Variants in SOX6 observed in about 807,000 individuals in gnomAD.
The protein encoded by SOX6 is transcription factor SOX-6.
Under a neutral mutation model 97.8 loss-of-function variants are expected in SOX6, and 11 were observed. The observed-to-expected ratio is 0.11, with a 90% CI of 0.07 to 0.19. The LOEUF (loss-of-function observed/expected upper bound fraction) is 0.19, where lower values mean the gene tolerates loss of function less well. Among genes scored for constraint, SOX6 ranks in the 10% least tolerant of loss-of-function variants. The pLI, the probability that SOX6 is intolerant of heterozygous loss-of-function variation, is 1.00. For missense variants in SOX6, 810 were observed against 1,039.5 expected (o/e 0.78, Z 3.04); for synonymous variants, 360 against 371.4 (o/e 0.97, Z 0.35).
intron 1 of SOX6, among the ~76,000 whole-genome samples, chr11:16,454,612 C>A (rs1189429616): frequency 1.3e-5 from 2 of 151,992 alleles, no homozygotes; most frequent in Non-Finnish European, 2.9e-5. Flanking sequence ...TAGACTGTGT[C>A]AAAAGGCGAG....
At chr11:16,550,237 G>T (rs1847667264) in intron 4 of SOX6, among the ~76,000 whole-genome samples, 1 of 152,048 alleles carries the variant, frequency 6.6e-6, no homozygotes, top group African/African-American at 2.4e-5. Flanking sequence ...AACACCCCAT[G>T]TTCTAACTCA....
chr11:16,086,260 T>G (rs1425409753), intron 9 of SOX6, among the ~76,000 whole-genome samples: 1 of 152,218 alleles, frequency 6.6e-6, no homozygotes, highest in Non-Finnish European at 1.5e-5. Context: ...ACTCTATAAT[T>G]AGTCTTGTCT....
intron 1 of SOX6, among the ~76,000 whole-genome samples, chr11:16,458,635 T>C (rs934426963): frequency 1.3e-5 from 2 of 152,182 alleles, no homozygotes; most frequent in South Asian, 2.1e-4. Context: ...GCATACTTTA[T>C]ATATATTATG....
At chr11:16,723,949 C>T (rs1053696439) in intron 2 of SOX6, among the ~76,000 whole-genome samples, 1 of 152,164 alleles carries the variant, frequency 6.6e-6, no homozygotes, top group African/African-American at 2.4e-5. Flanking sequence ...CTGTGACTCT[C>T]TGAAGTCTCA....
intron 4 of SOX6, among the ~76,000 whole-genome samples, chr11:16,527,059 G>T (rs1420775942): frequency 6.6e-6 from 1 of 152,006 alleles, no homozygotes; most frequent in Non-Finnish European, 1.5e-5. Flanking sequence ...CGGCCAAAAA[G>T]GACTTTTCAC....
At chr11:16,572,613 T>C (rs894457439) in intron 4 of SOX6, among the ~76,000 whole-genome samples, 4 of 152,204 alleles carry the variant, frequency 2.6e-5, no homozygotes, top group African/African-American at 9.6e-5. Context: ...ACTTGCCATC[T>C]AAGTTGTACT....
intron 4 of SOX6, among the ~76,000 whole-genome samples, chr11:16,497,774 A>C (rs893193729): frequency 6.6e-6 from 1 of 152,234 alleles, no homozygotes; most frequent in Non-Finnish European, 1.5e-5. Flanking sequence ...AGAAAAAAGA[A>C]TAAAAACAAA....
chr11:16,643,567 T>C (rs1172247271), intron 3 of SOX6, among the ~76,000 whole-genome samples: 1 of 152,182 alleles, frequency 6.6e-6, no homozygotes, highest in Non-Finnish European at 1.5e-5. Flanking sequence ...TCCACCCAGT[T>C]CAAGCTTCCC....
chr11:16,169,412 GA>G (rs1163826611), intron 6 of SOX6, among the ~76,000 whole-genome samples: 3 of 151,976 alleles, frequency 2.0e-5, no homozygotes, highest in Non-Finnish European at 4.4e-5. Context: ...GAAAAGTACA[GA>G]AATTTAAATA....
At chr11:15,975,650 C>A (rs1183528887) in intron 15 of SOX6, among the ~76,000 whole-genome samples, 1 of 152,096 alleles carries the variant, frequency 6.6e-6, no homozygotes, top group African/African-American at 2.4e-5. Context: ...TCATAATAAG[C>A]CTGAGAGGTA....
chr11:16,306,310 A>G (rs974981450), intron 3 of SOX6, among the ~76,000 whole-genome samples: 20 of 152,230 alleles, frequency 1.3e-4, no homozygotes, highest in African/African-American at 4.8e-4. Flanking sequence ...TCAATTTAAA[A>G]AAGAGCAAAC....
intron 4 of SOX6, among the ~76,000 whole-genome samples, chr11:16,519,731 C>T (rs1409018815): frequency 6.6e-6 from 1 of 152,164 alleles, no homozygotes; most frequent in Non-Finnish European, 1.5e-5. Context: ...AGCGAGATTG[C>T]TGGGTCAGAT....
chr11:16,572,241 A>G (rs1847946790), intron 4 of SOX6, among the ~76,000 whole-genome samples: 1 of 152,194 alleles, frequency 6.6e-6, no homozygotes, highest in South Asian at 2.1e-4. Flanking sequence ...TATTTACTTA[A>G]TCTCAAACAA....
intron 9 of SOX6, among the ~76,000 whole-genome samples, chr11:16,068,747 GTC>G: frequency 6.6e-6 from 1 of 152,184 alleles, no homozygotes; most frequent in Non-Finnish European, 1.5e-5. Flanking sequence ...CATCTTTTCA[GTC>G]TAAACTCAAG....
chr11:16,479,162 T>C (rs752684373), upstream of SOX6, among the ~76,000 whole-genome samples: 7 of 152,224 alleles, frequency 4.6e-5, no homozygotes, highest in Non-Finnish European at 8.8e-5. Flanking sequence ...TTCCATAATA[T>C]TTAGTCATCA....
At chr11:16,050,788 G>GA (rs1161068334) in intron 10 of SOX6, among the ~76,000 whole-genome samples, 1 of 151,930 alleles carries the variant, frequency 6.6e-6, no homozygotes, top group Non-Finnish European at 1.5e-5. Flanking sequence ...TAAAATACTT[G>GA]AAATAACACT....
chr11:16,362,581 T>C (rs560347053), intron 1 of SOX6, among the ~76,000 whole-genome samples: 10 of 151,934 alleles, frequency 6.6e-5, no homozygotes, highest in African/African-American at 2.4e-4. Flanking sequence ...AAATATAATA[T>C]AGCATGACTA....
chr11:16,608,215 A>AG (rs1344861082), intron 4 of SOX6, among the ~76,000 whole-genome samples: 1 of 151,744 alleles, frequency 6.6e-6, no homozygotes, highest in African/African-American at 2.4e-5. Context: ...CAACTCGGGG[A>AG]GAAAAAAAAG....
intron 9 of SOX6, among the ~76,000 whole-genome samples, chr11:16,079,307 A>G (rs1173672869): frequency 6.6e-6 from 1 of 152,210 alleles, no homozygotes; most frequent in African/African-American, 2.4e-5. Context: ...TAAATTGTGA[A>G]ATATATATAC....
Sources: allele counts gnomAD v4.1 joint callset (sites outside exome capture counted in the v4.1 genomes callset), GRCh38; gene constraint gnomAD v4.1.1; transcripts MANE v1.5; gene names NCBI Gene and HGNC (gene_info 2026-07-23, HGNC 2026-07-21).